Variants in INPP5F observed in about 807,000 individuals in gnomAD.
The protein encoded by INPP5F is inositol polyphosphate-5-phosphatase F.
In INPP5F, 97 loss-of-function variants were observed where a neutral mutation model predicts 137.2. That is an observed-to-expected ratio of 0.71 (90% confidence interval 0.60 to 0.84). The LOEUF is 0.84. Ranked by LOEUF, INPP5F falls within the 40% of genes least tolerant of loss-of-function variation. INPP5F has a pLI of 0.00. For missense variants in INPP5F, 1,271 were observed against 1,371.9 expected, an observed-to-expected ratio of 0.93 and a Z score of 1.16; for synonymous variants, 504 against 476.9, an observed-to-expected ratio of 1.06 and a Z score of -0.74.
chr10:119,809,243 A>G (rs1171355379), intron 13 of INPP5F, among the ~76,000 whole-genome samples: 1 of 151,672 alleles, frequency 6.6e-6, no homozygotes. Flanking sequence ...AAAAAAAAAA[A>G]AAAAGCCTGG....
chr10:119,751,478 G>A (rs957293944), intron 2 of INPP5F, among the ~76,000 whole-genome samples: 4 of 152,200 alleles, frequency 2.6e-5, no homozygotes, highest in Non-Finnish European at 5.9e-5. Context: ...GGAGAGGCAG[G>A]CAGGTGGCAG....
chr10:119,773,382 C>T (rs547861092), intron 2 of INPP5F, among the ~76,000 whole-genome samples: 7 of 152,164 alleles, frequency 4.6e-5, no homozygotes, highest in South Asian at 4.2e-4. Context: ...AGTTTCGGGG[C>T]GACATCTGCA....
chr10:119,826,704 A>C lies in INPP5F; in HGVS notation c.2323A>C (p.Asn775His), dbSNP rs1257904779. 3 of 1,612,612 alleles carry C rather than the reference A, an allele frequency of 1.9e-6. No homozygotes were observed. Residue 775 changes from asparagine to histidine, a missense_variant, in exon 20 of 20, where the codon AAT becomes CAT. Transcript: ENST00000650623. ...CCAAGGTTCTTTGGCCCAGGGAAAG[A>C]ATTTTTTAATGAGCAAATTTTCATC... is the stretch of plus-strand genomic sequence containing the variant. ...QNQGSLAQGKNFLMSKFSSLN... is the reference protein window; with the variant it reads ...QNQGSLAQGKHFLMSKFSSLN...
intron 19 of INPP5F, among the ~76,000 whole-genome samples, chr10:119,825,573 T>C (rs1428703566): frequency 6.6e-6 from 1 of 152,202 alleles, no homozygotes; most frequent in Non-Finnish European, 1.5e-5. Flanking sequence ...CCACAAGTGA[T>C]ACATTTTTAA....
At chr10:119,782,850 A>G (rs909618106) in intron 3 of INPP5F, among the ~76,000 whole-genome samples, 21 of 152,120 alleles carry the variant, frequency 1.4e-4, no homozygotes, top group African/African-American at 4.8e-4. Context: ...ACACTGCCCC[A>G]CAACTCAACA....
chr10:119,804,997 G>T (rs1480506478), intron 10 of INPP5F, among the ~76,000 whole-genome samples: 2 of 152,178 alleles, frequency 1.3e-5, no homozygotes, highest in African/African-American at 4.8e-5. Context: ...AAAGTACTGG[G>T]ATTACAGGCA....
At chr10:119,783,909 G>T (rs146606974) in intron 3 of INPP5F, among the ~76,000 whole-genome samples, 2 of 152,318 alleles carry the variant, frequency 1.3e-5, no homozygotes, top group East Asian at 3.9e-4. Flanking sequence ...GGGAGTAAAA[G>T]TAACTACAGA....
chr10:119,761,352 T>G (rs1849003455), intron 2 of INPP5F, among the ~76,000 whole-genome samples: 1 of 152,240 alleles, frequency 6.6e-6, no homozygotes, highest in South Asian at 2.1e-4. Flanking sequence ...CTGCTATGTT[T>G]GGAAGATGAA....
chr10:119,822,489 GA>G lies in INPP5F; in HGVS notation c.2023del (p.Ile675LeufsTer3). On this transcript the variant is annotated frameshift_variant, in exon 17 of 20. Transcript: ENST00000650623. LOFTEE classifies it high-confidence loss of function. Reference protein sequence around the residue: ...QYQRLSLENLEKIEIGPEPTL... With the variant: ...QYQRLSLENLXKIEIGPEPTL... ...TCAACGACTAAGTCTAGAAAACCTG[GA>G]AAAAATTGAAATAGGTAAGTTTTAA... 2.0e-6 allele frequency: 3 copies of G among 1,501,590 alleles called. No individual in the cohort carries two copies. The highest frequency in any genetic ancestry group is 1.2e-5 in the South Asian group (1 of 81,360). The allele number at this position is 1,501,590 out of a possible 1,614,324, so 93.0% of individuals were successfully genotyped here. A position where few individuals can be genotyped will look rare whatever the true frequency, so the allele number is the denominator to read the frequency against.
intron 1 of INPP5F, among the ~76,000 whole-genome samples, chr10:119,741,621 G>C (rs1848377721): frequency 6.6e-6 from 1 of 152,018 alleles, no homozygotes; most frequent in South Asian, 2.1e-4. Context: ...TGCAACCTAC[G>C]CCTCCTGGGT....
Position 119,827,239 on chromosome 10 carries a change from C to T in INPP5F, c.2858C>T (p.Ala953Val). The T allele has an allele frequency of 6.2e-7, 1 of 1,614,060 alleles. No individual in the cohort carries two copies. Among genetic ancestry groups the T allele is most frequent in the Non-Finnish European group, 8.5e-7 (1 of 1,180,010 alleles). The change falls in exon 20 of 20, where the codon GCC becomes GTC. Residue 953 changes from alanine to valine, a missense_variant. Physicochemically the swap from Ala to Val is moderately conservative, Grantham distance 64. Around this residue, in one of 6 missense-constraint regions of INPP5F, gnomAD observed 490 missense variants for 443.7 expected, o/e 1.10. Transcript: ENST00000650623. ...GACGTACACATATTGACTGGCTTTG[C>T]CAAGCCTATGGATATTTACTGCCAC... ...AGDVHILTGF[A>V]KPMDIYCHRF...
At chr10:119,820,539 C>T (rs1026325808) in intron 15 of INPP5F, among the ~76,000 whole-genome samples, 1 of 152,184 alleles carries the variant, frequency 6.6e-6, no homozygotes, top group African/African-American at 2.4e-5. Flanking sequence ...GCTTCTCTAT[C>T]ATCCTCCAAT....
At chr10:119,773,969 T>C (rs1425051887) in intron 2 of INPP5F, among the ~76,000 whole-genome samples, 1 of 152,138 alleles carries the variant, frequency 6.6e-6, no homozygotes, top group African/African-American at 2.4e-5. Flanking sequence ...ATTTAAAATA[T>C]ATTTAAATTT....
chr10:119,740,443 C>T (rs577589709), intron 1 of INPP5F, among the ~76,000 whole-genome samples: 2 of 152,274 alleles, frequency 1.3e-5, no homozygotes, highest in African/African-American at 4.8e-5. Flanking sequence ...AAGATATTTG[C>T]GTGAAGCATT....
chr10:119,732,069 G>A (rs1247194473), intron 1 of INPP5F, among the ~76,000 whole-genome samples: 2 of 123,112 alleles, frequency 1.6e-5, no homozygotes, highest in Non-Finnish European at 3.2e-5. Flanking sequence ...AGTGTAGACA[G>A]CCCAGGCTGG....
chr10:119,824,005 AG>A (rs1239369202), intron 19 of INPP5F, 103 bp downstream of exon 19: 1 of 768,192 alleles, frequency 1.3e-6, no homozygotes, highest in Non-Finnish European at 2.1e-6. Flanking sequence ...CATTATGGTA[AG>A]GTGTTGGTAT....
intron 15 of INPP5F, among the ~76,000 whole-genome samples, chr10:119,818,480 C>G (rs1033251246): frequency 3.3e-5 from 5 of 152,248 alleles, no homozygotes; most frequent in African/African-American, 4.8e-5. Context: ...CCAGCGCCCC[C>G]CTCCAGCCGC....
intron 1 of INPP5F, among the ~76,000 whole-genome samples, chr10:119,729,563 G>GCATTATCTC (rs1847990791): frequency 2.0e-5 from 3 of 147,066 alleles, no homozygotes; most frequent in African/African-American, 7.5e-5. Context: ...ATCTGATGTA[G>GCATTATCTC]CATTATCTCA....
chr10:119,781,510 CT>C, intron 2 of INPP5F, 124 bp from the exon 3 acceptor site: 1 of 732,854 alleles, frequency 1.4e-6, no homozygotes, highest in Non-Finnish European at 2.0e-6. Context: ...ACATGTTTTA[CT>C]TTAAAAGTTT....
Sources: gnomAD v4.1 joint callset for allele counts (sites outside exome capture counted in the v4.1 genomes callset) on GRCh38, gnomAD v4.1.1 for gene constraint, gnomAD v4.1.1 regional missense constraint, MANE v1.5 for transcripts, NCBI Gene and HGNC (gene_info 2026-07-23, HGNC 2026-07-21) for gene names.